The following BEAN1 variants were observed in gnomAD, a reference collection of about 807,000 sequenced individuals.
BEAN1 encodes the protein protein BEAN1.
In BEAN1, 17 loss-of-function variants were observed where a neutral mutation model predicts 17.7. That is an observed-to-expected ratio of 0.96 (90% CI 0.66 to 1.44). BEAN1 has a LOEUF of 1.44. Ranked by LOEUF, BEAN1 falls within the 40% of genes most tolerant of loss-of-function variation. The probability of loss-of-function intolerance (pLI) is 0.00; values close to 1 mark genes in which losing one functional copy is unlikely to be tolerated. For synonymous variants in BEAN1, 142 were observed against 151.8 expected (o/e 0.94, Z 0.47); for missense variants, 359 against 374.1 (o/e 0.96, Z 0.33).
intron 1 of BEAN1, among the ~76,000 whole-genome samples, chr16:66,436,611 T>C (rs1316748395): frequency 6.6e-6 from 1 of 151,360 alleles, no homozygotes; most frequent in Non-Finnish European, 1.5e-5. Context: ...GGTCTCACTC[T>C]GTCACCCAAG....
intron 2 of BEAN1, among the ~76,000 whole-genome samples, chr16:66,460,620 G>C (rs781285674): frequency 6.6e-6 from 1 of 152,186 alleles, no homozygotes; most frequent in Non-Finnish European, 1.5e-5. Context: ...TTCAGCTGTT[G>C]ATACACCTTC....
At chr16:66,449,586 G>A (rs575247887) in intron 2 of BEAN1, among the ~76,000 whole-genome samples, 2 of 125,024 alleles carry the variant, frequency 1.6e-5, no homozygotes, top group South Asian at 5.1e-4. Context: ...CAGTCTGGGT[G>A]GCAGAGTGAG....
intron 3 of BEAN1, among the ~76,000 whole-genome samples, chr16:66,476,078 C>T (rs1030871295): frequency 1.3e-5 from 2 of 150,476 alleles, no homozygotes; most frequent in Non-Finnish European, 3.0e-5. Context: ...CCACTGCACT[C>T]CAGCCTGGGC....
chr16:66,474,798 TC>T (rs1963670275), intron 3 of BEAN1, among the ~76,000 whole-genome samples: 1 of 152,022 alleles, frequency 6.6e-6, no homozygotes, highest in Non-Finnish European at 1.5e-5. Flanking sequence ...AAAAGAAAAT[TC>T]TGTCATTCTG....
At chr16:66,466,293 A>C (rs953242924) in intron 2 of BEAN1, among the ~76,000 whole-genome samples, 3 of 152,158 alleles carry the variant, frequency 2.0e-5, no homozygotes, top group African/African-American at 7.2e-5. Context: ...AACAAACAAA[A>C]AAACAACAAC....
At position 66,473,505 on chromosome 16, in the gene BEAN1, G is replaced by A. The variant is rs118081083; in HGVS notation, c.289+3640G>A. 9.6e-4 allele frequency among the ~76,000 whole-genome samples: 146 copies of A among 152,192 alleles called. 2 individuals carry two copies. The East Asian group carries it at 0.018, about 19-fold the overall frequency. On this transcript the variant is annotated intron_variant, in intron 3 of 4. Transcript: ENST00000536005. This position sits in a 1 kb window ranked among gnomAD's most constrained non-coding sequence, Gnocchi z 4.5. ...AGCCTTGGGAGGGTGCCAGGGAAGA[G>A]GGAAACGCACTGTGAGCAGCTGTGG...
downstream of BEAN1, chr16:66,485,479 T>C (rs1273058995): frequency 1.0e-5 from 3 of 287,114 alleles, no homozygotes; most frequent in Non-Finnish European, 2.1e-5. Flanking sequence ...GTGAATCTTC[T>C]GTCCTGGTCT....
intron 2 of BEAN1, among the ~76,000 whole-genome samples, chr16:66,441,075 T>C (rs1962237118): frequency 6.6e-6 from 1 of 152,236 alleles, no homozygotes; most frequent in Non-Finnish European, 1.5e-5. Context: ...TGTTCACTTG[T>C]TCGTGCCGCC....
At chr16:66,494,055 C>T (rs181548850), downstream of BEAN1, among the ~76,000 whole-genome samples, 1 of 152,174 alleles carries the variant, frequency 6.6e-6, no homozygotes, top group African/African-American at 2.4e-5. Flanking sequence ...CCAGTGGGGG[C>T]TGGTGGCACC....
chr16:66,493,615 G>C (rs767051068), downstream of BEAN1: 8 of 533,288 alleles, frequency 1.5e-5, no homozygotes, highest in Non-Finnish European at 2.3e-5. Context: ...CGGGTGAGGT[G>C]GTCACCGCCT....
At chr16:66,484,848 C>T (rs1168305788), downstream of BEAN1, 2 of 454,124 alleles carry the variant, frequency 4.4e-6, no homozygotes, top group Non-Finnish European at 8.8e-6. This position sits in a 1 kb window ranked among gnomAD's most constrained non-coding sequence, Gnocchi z 4.2. Flanking sequence ...TACCCTGATG[C>T]TCAGCAGACA....
intron 4 of BEAN1, among the ~76,000 whole-genome samples, chr16:66,491,224 C>A (rs1349630846): frequency 6.6e-6 from 1 of 152,226 alleles, no homozygotes. Flanking sequence ...GCTCTGTCTG[C>A]CAGAGGAAGT....
intron 1 of BEAN1, among the ~76,000 whole-genome samples, chr16:66,431,416 G>GT (rs1961794552): frequency 6.6e-6 from 1 of 152,130 alleles, no homozygotes; most frequent in South Asian, 2.1e-4. Context: ...TTTTCGGATT[G>GT]TTATTAAAGT....
chr16:66,485,401 T>C (rs1964074552), downstream of BEAN1: 1 of 335,898 alleles, frequency 3.0e-6, no homozygotes, highest in Admixed American at 4.0e-5. Flanking sequence ...TTCCTATCCA[T>C]GCCCACCTGC....
chr16:66,431,637 G>A lies in BEAN1; in HGVS notation c.-83+4206G>A, dbSNP rs193078131. Among the ~76,000 whole-genome samples the A allele has an allele frequency of 1.3e-3, 198 of 151,476 alleles. 1 individual carries two copies. The highest frequency in any genetic ancestry group is 4.7e-3 in the African/African-American group (194 of 41,272). ...TTTCTTTTACAAAATAAGGATCACG[G>A]TATATGGTATATGCACAATTCTACA... is the stretch of plus-strand genomic sequence containing the variant. On this transcript the variant is annotated intron_variant, in intron 1 of 4. Transcript: ENST00000536005.
rs1198203202 is a variant in BEAN1 at position 66,434,525 on chromosome 16, C to T, written c.-82-3070C>T. Among the ~76,000 whole-genome samples, 1 of 152,096 alleles carries T rather than the reference C, an allele frequency of 6.6e-6. No homozygotes were observed. Among genetic ancestry groups the T allele is most frequent in the African/African-American group, 2.4e-5 (1 of 41,436 alleles). On this transcript the variant is annotated intron_variant, in intron 1 of 4. Coordinates refer to ENST00000536005, the MANE Select transcript of BEAN1 (RefSeq NM_001178020.3). This position sits in a 1 kb window ranked among gnomAD's most constrained non-coding sequence, Gnocchi z 4.3. ...GAAAGTCCAGCTCCTATTTTAGGAC[C>T]CCCCAAAGTCCCTCCATGTGTTTTC...
At chr16:66,464,626 C>T (rs903881244) in intron 2 of BEAN1, among the ~76,000 whole-genome samples, 2 of 152,074 alleles carry the variant, frequency 1.3e-5, no homozygotes, top group South Asian at 4.2e-4. Flanking sequence ...TACAGGTGTG[C>T]GCCACTGTGC....
rs749683791 is a variant in BEAN1 at position 66,481,205 on chromosome 16, G to A, written c.*280G>A. ...GAACGTGGAGCTCTCCTGGCCTCCC[G>A]TCCCTCCTCCCGGCCTGTTTGTTGT... On this transcript the variant is annotated 3_prime_UTR_variant, in exon 5 of 5. Transcript: ENST00000536005. This position sits in a 1 kb window ranked among gnomAD's most constrained non-coding sequence, Gnocchi z 4.1. 1.4e-4 allele frequency: 58 copies of A among 409,292 alleles called. 1 individual carries two copies. Among genetic ancestry groups the A allele is most frequent in the Non-Finnish European group, 1.8e-4 (42 of 232,700 alleles). The allele number at this position is 409,292 out of a possible 1,614,324, so 25.4% of individuals were successfully genotyped here. A position where few individuals can be genotyped will look rare whatever the true frequency, so the allele number is the denominator to read the frequency against.
chr16:66,480,993 G>A lies in BEAN1; in HGVS notation c.*68G>A, dbSNP rs1477485836. ...CCACATTCTTTAGGCACACAAAGGC[G>A]TGCACACACACACAGAGATGCACAC... On this transcript the variant is annotated 3_prime_UTR_variant, in exon 5 of 5. Transcript: ENST00000536005. 95 of 1,272,646 alleles carry A rather than the reference G, an allele frequency of 7.5e-5. No homozygotes were observed. The highest frequency in any genetic ancestry group is 8.6e-5 in the Non-Finnish European group (82 of 950,552). 78.8% of individuals were successfully genotyped at this position (1,272,646 alleles called of 1,614,324 possible). A position where few individuals can be genotyped will look rare whatever the true frequency, so the allele number is the denominator to read the frequency against.
Sources: gnomAD v4.1 joint callset for allele counts (sites outside exome capture counted in the v4.1 genomes callset) on GRCh38, gnomAD v4.1.1 for gene constraint, Gnocchi (gnomAD v3.1) non-coding constraint, MANE v1.5 for transcripts, NCBI Gene and HGNC (gene_info 2026-07-23, HGNC 2026-07-21) for gene names.